Variants in ROBO1 observed in about 807,000 individuals in gnomAD.
ROBO1 encodes roundabout homolog 1.
In ROBO1, 149 loss-of-function variants were observed where a neutral mutation model predicts 195.9. The ratio of observed to expected loss-of-function variants is 0.76; its 90% CI spans 0.67 to 0.87. The LOEUF (loss-of-function observed/expected upper bound fraction) is 0.87. Among genes scored for constraint, ROBO1 ranks in the 40% least tolerant of loss-of-function variants. The pLI, the probability that ROBO1 is intolerant of heterozygous loss-of-function variation, is 0.00. For synonymous variants in ROBO1, 816 were observed against 733.2 expected (o/e 1.11, Z -1.82); for missense variants, 1,933 against 2,068.3 (o/e 0.93, Z 1.27).
chr3:78,939,532 G>A (rs1233260168), intron 3 of ROBO1, among the ~76,000 whole-genome samples: 1 of 151,156 alleles, frequency 6.6e-6, no homozygotes, highest in Non-Finnish European at 1.5e-5. Flanking sequence ...GCAGGAGAAT[G>A]GCGTGAACCC....
chr3:78,849,495 C>G (rs553480963), intron 4 of ROBO1, among the ~76,000 whole-genome samples: 4 of 151,982 alleles, frequency 2.6e-5, no homozygotes, highest in African/African-American at 9.7e-5. Context: ...CCTTTGGGAG[C>G]GCACAAAGCA....
chr3:79,154,104 A>G (rs2080817575), intron 2 of ROBO1, among the ~76,000 whole-genome samples: 1 of 151,822 alleles, frequency 6.6e-6, no homozygotes, highest in Non-Finnish European at 1.5e-5. Flanking sequence ...GGACAGTGAG[A>G]TAGACACTGT....
At chr3:78,817,768 C>G (rs72894464) in intron 4 of ROBO1, among the ~76,000 whole-genome samples, 4,634 of 152,204 alleles carry the variant, frequency 0.03, 188 homozygotes, top group African/African-American at 0.095. Flanking sequence ...GTTAAAGTTG[C>G]CAAGAATTTC....
At chr3:79,300,790 T>C (rs896502114) in intron 2 of ROBO1, among the ~76,000 whole-genome samples, 1 of 152,128 alleles carries the variant, frequency 6.6e-6, no homozygotes, top group African/African-American at 2.4e-5. Flanking sequence ...ATCAGCACCC[T>C]GTGTCTAGCT....
At chr3:78,666,048 G>C (rs537483622) in intron 14 of ROBO1, among the ~76,000 whole-genome samples, 1 of 152,184 alleles carries the variant, frequency 6.6e-6, no homozygotes, top group South Asian at 2.1e-4. Flanking sequence ...TCTCGTGATA[G>C]TGAGTGAGTT....
At chr3:79,322,427 T>C (rs575335058) in intron 2 of ROBO1, among the ~76,000 whole-genome samples, 1 of 152,244 alleles carries the variant, frequency 6.6e-6, no homozygotes, top group East Asian at 1.9e-4. Flanking sequence ...AGGTCAAGAA[T>C]GGCATCAAGA....
intron 1 of ROBO1, among the ~76,000 whole-genome samples, chr3:79,596,731 T>C (rs771992673): frequency 6.6e-6 from 1 of 152,060 alleles, no homozygotes; most frequent in Non-Finnish European, 1.5e-5. Flanking sequence ...AACTCTACTA[T>C]GTTTCTCACG....
intron 2 of ROBO1, among the ~76,000 whole-genome samples, chr3:79,499,290 C>G (rs879469553): frequency 1.3e-5 from 2 of 152,112 alleles, no homozygotes; most frequent in African/African-American, 2.4e-5. Flanking sequence ...CCACCGCGCC[C>G]GGCCCAAAAC....
chr3:79,708,721 C>T (rs1424492470), intron 1 of ROBO1, among the ~76,000 whole-genome samples: 1 of 152,026 alleles, frequency 6.6e-6, no homozygotes, highest in Non-Finnish European at 1.5e-5. Context: ...AAGAATTAGC[C>T]AACCATGGTG....
intron 2 of ROBO1, among the ~76,000 whole-genome samples, chr3:79,224,810 C>T (rs1182800957): frequency 6.6e-6 from 1 of 152,136 alleles, no homozygotes; most frequent in Non-Finnish European, 1.5e-5. Flanking sequence ...GGTGATACCA[C>T]TGTCAGTGAA....
intron 2 of ROBO1, among the ~76,000 whole-genome samples, chr3:79,166,642 T>G (rs1203411956): frequency 6.6e-6 from 1 of 151,054 alleles, no homozygotes; most frequent in Non-Finnish European, 1.5e-5. Flanking sequence ...CTCGGCTCAC[T>G]GCAAGCTCCG....
At chr3:79,318,524 C>T (rs943088849) in intron 2 of ROBO1, among the ~76,000 whole-genome samples, 2 of 152,158 alleles carry the variant, frequency 1.3e-5, no homozygotes, top group Non-Finnish European at 2.9e-5. Context: ...GCCCTGGAGC[C>T]AGATTATTTA....
chr3:79,366,343 G>C (rs1375472032), intron 2 of ROBO1, among the ~76,000 whole-genome samples: 1 of 152,118 alleles, frequency 6.6e-6, no homozygotes, highest in African/African-American at 2.4e-5. Context: ...TAAACTCAAT[G>C]CCTCCATTTT....
intron 2 of ROBO1, among the ~76,000 whole-genome samples, chr3:79,449,936 G>C (rs1230651317): frequency 3.9e-5 from 6 of 152,040 alleles, no homozygotes; most frequent in Non-Finnish European, 8.8e-5. Flanking sequence ...CTTAGGCAGA[G>C]ACAGGTTAAG....
At chr3:79,072,497 G>A (rs889021531) in intron 3 of ROBO1, among the ~76,000 whole-genome samples, 1 of 151,834 alleles carries the variant, frequency 6.6e-6, no homozygotes, top group South Asian at 2.1e-4. Flanking sequence ...CAGCTGCCCT[G>A]TATGAATGGT....
intron 3 of ROBO1, among the ~76,000 whole-genome samples, chr3:78,998,661 T>C (rs2077424787): frequency 6.6e-6 from 1 of 152,128 alleles, no homozygotes; most frequent in Non-Finnish European, 1.5e-5. Flanking sequence ...CCCTTCCTGC[T>C]GACTATATTC....
chr3:78,961,299 T>C (rs1362217128), intron 3 of ROBO1, among the ~76,000 whole-genome samples: 1 of 152,098 alleles, frequency 6.6e-6, no homozygotes, highest in East Asian at 1.9e-4. Context: ...TTATGGAACA[T>C]AAGATGCAAG....
At chr3:78,864,021 C>T (rs746141828) in intron 4 of ROBO1, among the ~76,000 whole-genome samples, 1 of 152,196 alleles carries the variant, frequency 6.6e-6, no homozygotes, top group Non-Finnish European at 1.5e-5. Flanking sequence ...ATATAAGGGC[C>T]TTCAGATAGC....
intron 8 of ROBO1, among the ~76,000 whole-genome samples, chr3:78,703,288 G>C (rs1482242707): frequency 6.6e-6 from 1 of 152,088 alleles, no homozygotes; most frequent in Non-Finnish European, 1.5e-5. Context: ...AACCCAGCAG[G>C]AGTGGTGCTC....
Sources: gnomAD v4.1 joint callset for allele counts (sites outside exome capture counted in the v4.1 genomes callset) on GRCh38, gnomAD v4.1.1 for gene constraint, MANE v1.5 for transcripts, NCBI Gene and HGNC (gene_info 2026-07-23, HGNC 2026-07-21) for gene names.